The following GPC6 variants were observed in gnomAD, a reference collection of about 807,000 sequenced individuals.
GPC6 encodes glypican-6.
Under a neutral mutation model 55.2 loss-of-function variants are expected in GPC6, and 14 were observed. That is an observed-to-expected ratio of 0.25 (90% confidence interval 0.17 to 0.40). GPC6 has a LOEUF of 0.40. GPC6 is among the 10% of genes least tolerant of loss of function. The pLI is 1.00. For synonymous variants in GPC6, 278 were observed against 259.6 expected (o/e 1.07, Z -0.68); for missense variants, 641 against 708.5 (o/e 0.90, Z 1.08).
chr13:94,128,740 C>T (rs916694550), intron 4 of GPC6, among the ~76,000 whole-genome samples: 1 of 152,142 alleles, frequency 6.6e-6, no homozygotes, highest in African/African-American at 2.4e-5. Context: ...CTGGAAAGAT[C>T]TGGCAAACAG....
intron 1 of GPC6, among the ~76,000 whole-genome samples, chr13:93,253,598 G>T (rs974513561): frequency 2.0e-5 from 3 of 152,096 alleles, no homozygotes; most frequent in African/African-American, 7.2e-5. Context: ...AACCATGGCT[G>T]GGAGGTGGGG....
rs139519184 is a variant in GPC6 at position 94,027,150 on chromosome 13, C to T, written c.712-579C>T. ...CTCCTCTGAATTACTGCAAGGATTGCTTCTCACATTTAACACTGGTCCCTG... is the reference window on the plus strand; with the variant it reads ...CTCCTCTGAATTACTGCAAGGATTGTTTCTCACATTTAACACTGGTCCCTG... On this transcript the variant is annotated intron_variant, in intron 3 of 8. Coordinates refer to ENST00000377047, the MANE Select transcript of GPC6 (RefSeq NM_005708.5). Among the ~76,000 whole-genome samples, 17 of 152,242 alleles carry T rather than the reference C, an allele frequency of 1.1e-4. 1 individual carries two copies. In the East Asian group the frequency reaches 3.3e-3, roughly 30 times the overall value.
chr13:93,314,690 A>G (rs1446658920), intron 1 of GPC6, among the ~76,000 whole-genome samples: 1 of 150,690 alleles, frequency 6.6e-6, no homozygotes, highest in Non-Finnish European at 1.5e-5. Context: ...ATGAGGGCCT[A>G]ATTAGATAGA....
intron 2 of GPC6, among the ~76,000 whole-genome samples, chr13:93,801,701 A>G (rs1886375987): frequency 1.3e-5 from 2 of 152,312 alleles, no homozygotes; most frequent in Admixed American, 6.5e-5. Flanking sequence ...TTTCTAGTCC[A>G]TTTTATTGTT....
intron 4 of GPC6, among the ~76,000 whole-genome samples, chr13:94,135,319 A>G (rs999431336): frequency 7.2e-5 from 11 of 151,834 alleles, no homozygotes; most frequent in African/African-American, 2.2e-4. Context: ...TACACATTAG[A>G]TGATTAAATA....
rs187281699 is a variant in GPC6, at chr13:93,228,516, G to T, written c.160+900G>T. Among the ~76,000 whole-genome samples the T allele has an allele frequency of 1.3e-3, 197 of 152,284 alleles. 1 individual carries two copies. Among genetic ancestry groups the T allele is most frequent in the African/African-American group, 4.4e-3 (181 of 41,576 alleles). The stretch of plus-strand genomic sequence containing the variant: ...ACCCTTTCTCTCGGCGCCAGTGTGT[G>T]TAGCACTTGGTCTCCGACAACTTGC... On this transcript the variant is annotated intron_variant, in intron 1 of 8. Coordinates refer to ENST00000377047, the MANE Select transcript of GPC6 (RefSeq NM_005708.5).
intron 4 of GPC6, among the ~76,000 whole-genome samples, chr13:94,241,266 A>G (rs554859083): frequency 1.6e-4 from 25 of 152,228 alleles, no homozygotes; most frequent in African/African-American, 5.8e-4. Flanking sequence ...ATAAACAAAC[A>G]TTTGTTATTC....
chr13:94,269,407 C>T (rs1891921294), intron 4 of GPC6, among the ~76,000 whole-genome samples: 1 of 152,156 alleles, frequency 6.6e-6, no homozygotes, highest in Non-Finnish European at 1.5e-5. Context: ...CCTATTCGTT[C>T]TTGAAAGCCT....
chr13:94,115,441 T>G (rs1054089068), intron 4 of GPC6, among the ~76,000 whole-genome samples: 1 of 152,132 alleles, frequency 6.6e-6, no homozygotes, highest in Non-Finnish European at 1.5e-5. Flanking sequence ...AATAAATCTC[T>G]TCAAACAAAG....
At chr13:93,985,526 A>C (rs1468425046) in intron 3 of GPC6, among the ~76,000 whole-genome samples, 1 of 151,476 alleles carries the variant, frequency 6.6e-6, no homozygotes, top group East Asian at 1.9e-4. Context: ...AACAAACAAA[A>C]AAACCAAAAA....
intron 1 of GPC6, among the ~76,000 whole-genome samples, chr13:93,414,074 C>T (rs1447784739): frequency 6.6e-6 from 1 of 152,182 alleles, no homozygotes; most frequent in Non-Finnish European, 1.5e-5. Context: ...ACAGGGACCA[C>T]ATATTTGCCT....
At chr13:93,898,057 T>G (rs1876113632) in intron 3 of GPC6, among the ~76,000 whole-genome samples, 1 of 152,162 alleles carries the variant, frequency 6.6e-6, no homozygotes, top group African/African-American at 2.4e-5. Flanking sequence ...ATTAATTTAC[T>G]GTAATTTAAA....
At chr13:93,966,915 A>G (rs925870155) in intron 3 of GPC6, among the ~76,000 whole-genome samples, 1 of 152,098 alleles carries the variant, frequency 6.6e-6, no homozygotes, top group Non-Finnish European at 1.5e-5. Context: ...TAGACCTTTC[A>G]AAGTGCTGAG....
intron 4 of GPC6, among the ~76,000 whole-genome samples, chr13:94,028,276 AT>A (rs1417411756): frequency 1.3e-5 from 2 of 151,960 alleles, no homozygotes; most frequent in Non-Finnish European, 2.9e-5. Context: ...AAAAAAAAAA[AT>A]GTTATGATGA....
intron 4 of GPC6, among the ~76,000 whole-genome samples, chr13:94,073,025 G>GA (rs1884791122): frequency 6.6e-6 from 1 of 151,590 alleles, no homozygotes; most frequent in Non-Finnish European, 1.5e-5. Flanking sequence ...GCAGATAGAG[G>GA]AAAAAAAGAT....
At chr13:93,942,194 T>C (rs1436426800) in intron 3 of GPC6, among the ~76,000 whole-genome samples, 2 of 152,252 alleles carry the variant, frequency 1.3e-5, no homozygotes, top group Non-Finnish European at 2.9e-5. Flanking sequence ...CATCTATTAC[T>C]TCATAACAGA....
intron 3 of GPC6, among the ~76,000 whole-genome samples, chr13:93,901,542 T>G (rs1876352077): frequency 6.6e-6 from 1 of 152,150 alleles, no homozygotes; most frequent in Non-Finnish European, 1.5e-5. Flanking sequence ...AAATTCTGAA[T>G]CAACTGGATG....
intron 4 of GPC6, among the ~76,000 whole-genome samples, chr13:94,035,837 C>G (rs1320498482): frequency 6.6e-6 from 1 of 151,972 alleles, no homozygotes; most frequent in Non-Finnish European, 1.5e-5. Flanking sequence ...TCTGAAACCT[C>G]CTTTAATTCA....
chr13:93,371,673 A>G (rs1227748320), intron 1 of GPC6, among the ~76,000 whole-genome samples: 2 of 152,092 alleles, frequency 1.3e-5, no homozygotes, highest in Non-Finnish European at 2.9e-5. Context: ...AACACCTAAA[A>G]ATATCATTCA....
Sources: gnomAD v4.1 joint callset for allele counts (sites outside exome capture counted in the v4.1 genomes callset) on GRCh38, gnomAD v4.1.1 for gene constraint, MANE v1.5 for transcripts, NCBI Gene and HGNC (gene_info 2026-07-23, HGNC 2026-07-21) for gene names.